TSHZ2: variants seen among roughly 807,000 people sequenced by gnomAD.
The protein encoded by TSHZ2 is teashirt homolog 2.
A neutral mutation model predicts 74.4 loss-of-function variants in TSHZ2; 21 were observed. The ratio of observed to expected loss-of-function variants is 0.28; its 90% CI spans 0.20 to 0.41. TSHZ2 has a LOEUF of 0.41. Ranked by LOEUF, TSHZ2 falls within the 10% of genes least tolerant of loss-of-function variation. The pLI is 1.00. For synonymous variants in TSHZ2, 540 were observed against 515.3 expected, an observed-to-expected ratio of 1.05 and a Z score of -0.65; for missense variants, 1,244 against 1,293.5, an observed-to-expected ratio of 0.96 and a Z score of 0.59.
At chr20:53,459,155 G>T (rs1985243525) in intron 2 of TSHZ2, among the ~76,000 whole-genome samples, 1 of 152,066 alleles carries the variant, frequency 6.6e-6, no homozygotes, top group Admixed American at 6.6e-5. Flanking sequence ...TTGACAGTGG[G>T]GTGTTAAAGA....
At chr20:53,373,810 T>A (rs1409105617) in intron 2 of TSHZ2, among the ~76,000 whole-genome samples, 2 of 152,156 alleles carry the variant, frequency 1.3e-5, no homozygotes, top group Non-Finnish European at 2.9e-5. Context: ...GGGCTTCAGA[T>A]GGGGCCTATG....
intron 1 of TSHZ2, among the ~76,000 whole-genome samples, chr20:53,194,211 G>A (rs974117903): frequency 2.0e-5 from 3 of 152,138 alleles, no homozygotes; most frequent in South Asian, 2.1e-4. Context: ...CTGTTTTGTT[G>A]GGAGCCTGCT....
chr20:53,265,558 T>G (rs1481150848), intron 2 of TSHZ2, among the ~76,000 whole-genome samples: 1 of 152,184 alleles, frequency 6.6e-6, no homozygotes, highest in East Asian at 1.9e-4. Flanking sequence ...AGCTGGACTT[T>G]CTTTTTCTGT....
intron 1 of TSHZ2, among the ~76,000 whole-genome samples, chr20:53,087,908 A>G: frequency 6.6e-6 from 1 of 152,182 alleles, no homozygotes; most frequent in East Asian, 1.9e-4. Context: ...TTTTTGGACT[A>G]ATGCTCCAGG....
At chr20:53,196,405 A>G (rs1298853408) in intron 1 of TSHZ2, 2 of 149,942 alleles carry the variant, frequency 1.3e-5, no homozygotes, top group African/African-American at 4.9e-5. Context: ...TGCTTTCAAC[A>G]AATTAGAATA....
chr20:53,174,392 C>T (rs997289181), intron 1 of TSHZ2, among the ~76,000 whole-genome samples: 11 of 152,182 alleles, frequency 7.2e-5, no homozygotes, highest in Non-Finnish European at 1.3e-4. Context: ...GGGGACTCAA[C>T]CATAAGTCTT....
chr20:53,374,457 T>G (rs1029977672), intron 2 of TSHZ2, among the ~76,000 whole-genome samples: 2 of 152,208 alleles, frequency 1.3e-5, no homozygotes, highest in African/African-American at 4.8e-5. Flanking sequence ...AACATATGTG[T>G]GTATGTGTCT....
chr20:53,472,768 G>A (rs1216706239), intron 2 of TSHZ2, among the ~76,000 whole-genome samples: 12 of 150,906 alleles, frequency 8.0e-5, no homozygotes, highest in Admixed American at 7.9e-4. Flanking sequence ...ACTAGGGAGT[G>A]GCAGACAGTG....
chr20:53,417,873 A>C (rs554725739), intron 2 of TSHZ2, among the ~76,000 whole-genome samples: 21 of 152,334 alleles, frequency 1.4e-4, no homozygotes, highest in Non-Finnish European at 3.1e-4. Context: ...GTAATCACTC[A>C]TTCAGCAAAC....
chr20:53,354,418 T>G (rs1729214484), intron 2 of TSHZ2, among the ~76,000 whole-genome samples: 1 of 152,186 alleles, frequency 6.6e-6, no homozygotes, highest in Admixed American at 6.5e-5. Context: ...CTATTTGGCT[T>G]GTATAGTAGC....
rs534474372 is a variant in TSHZ2, at chr20:53,254,073, C to A, written c.615C>A (p.Cys205Ter). The part of the protein sequence containing the change: ...VQLYRQSSKM[C>*]GTVFTGASRF... Reference sequence around the variant, plus strand: ...TGTACCGACAGAGCAGCAAGATGTGCGGGACTGTGTTCACAGGGGCCAGCA... The same window carrying A: ...TGTACCGACAGAGCAGCAAGATGTGAGGGACTGTGTTCACAGGGGCCAGCA... The change falls in exon 2 of 3, where the codon TGC becomes TGA. Residue 205 changes from cysteine to a stop codon, truncating the protein, a stop_gained. Coordinates refer to ENST00000371497, the MANE Select transcript of TSHZ2 (RefSeq NM_173485.6). LOFTEE classifies it high-confidence loss of function. The A allele has an allele frequency of 6.2e-7, 1 of 1,613,958 alleles. No homozygotes were observed. Among genetic ancestry groups the A allele is most frequent in the Non-Finnish European group, 8.5e-7 (1 of 1,180,038 alleles).
chr20:53,349,686 G>T (rs566937716), intron 2 of TSHZ2, among the ~76,000 whole-genome samples: 3 of 151,766 alleles, frequency 2.0e-5, no homozygotes, highest in Non-Finnish European at 2.9e-5. Context: ...GCTTCCCCAG[G>T]TGAAGTCTGA....
At chr20:53,392,725 T>C (rs1351440424) in intron 2 of TSHZ2, among the ~76,000 whole-genome samples, 1 of 152,206 alleles carries the variant, frequency 6.6e-6, no homozygotes, top group African/African-American at 2.4e-5. Flanking sequence ...TTCATCTATA[T>C]TTCTTTGGGG....
rs11905728 is a variant in TSHZ2 at position 53,136,762 on chromosome 20, C to T, written c.41-116737C>T. ...CTCTAAGTGATGCAAATTGCTTTAC[C>T]CAAAGAAAGGCATCACATTACACCA... On this transcript the variant is annotated intron_variant, in intron 1 of 2. Transcript: ENST00000371497. Among the ~76,000 whole-genome samples the T allele has an allele frequency of 7.8e-3, 1,181 of 151,836 alleles. 20 individuals carry two copies. Among genetic ancestry groups the T allele is most frequent in the African/African-American group, 0.028 (1,144 of 41,400 alleles).
chr20:53,156,479 C>G (rs997604039), intron 1 of TSHZ2, among the ~76,000 whole-genome samples: 5 of 152,148 alleles, frequency 3.3e-5, no homozygotes, highest in Admixed American at 2.6e-4. Flanking sequence ...TTTGTATGCA[C>G]CATCTCACTT....
intron 1 of TSHZ2, among the ~76,000 whole-genome samples, chr20:52,979,092 TG>T (rs553685156): frequency 7.0e-4 from 107 of 152,272 alleles, no homozygotes; most frequent in Admixed American, 9.2e-4. Context: ...GGAGAGTACT[TG>T]CTTGCTTACC....
At chr20:53,310,527 T>G (rs1018090743) in intron 2 of TSHZ2, among the ~76,000 whole-genome samples, 1 of 152,222 alleles carries the variant, frequency 6.6e-6, no homozygotes. Context: ...TTCACAAGAT[T>G]GCAATCCAGG....
chr20:53,043,044 A>G (rs1015743391), intron 1 of TSHZ2, among the ~76,000 whole-genome samples: 1 of 152,222 alleles, frequency 6.6e-6, no homozygotes, highest in African/African-American at 2.4e-5. Context: ...GTGGACAGGT[A>G]AATAAGAAAT....
chr20:52,985,500 C>A (rs1426341746), intron 1 of TSHZ2, among the ~76,000 whole-genome samples: 2 of 152,172 alleles, frequency 1.3e-5, no homozygotes, highest in African/African-American at 4.8e-5. Context: ...ATAAAACCCC[C>A]TTCTGGGTAG....
Sources: allele counts gnomAD v4.1 joint callset (sites outside exome capture counted in the v4.1 genomes callset), GRCh38; gene constraint gnomAD v4.1.1; transcripts MANE v1.5; gene names NCBI Gene and HGNC (gene_info 2026-07-23, HGNC 2026-07-21).